The following NRG1 variants were observed in gnomAD, a reference collection of about 807,000 sequenced individuals.
NRG1 encodes pro-neuregulin-1, membrane-bound isoform.
A neutral mutation model predicts 63.8 loss-of-function variants in NRG1; 18 were observed. The ratio of observed to expected loss-of-function variants is 0.28; its 90% CI spans 0.19 to 0.42. The LOEUF is 0.42. Ranked by LOEUF, NRG1 falls within the 10% of genes least tolerant of loss-of-function variation. The pLI is 1.00. For missense variants in NRG1, 762 were observed against 814.7 expected (o/e 0.94, Z 0.79); for synonymous variants, 302 against 301.3 (o/e 1.00, Z -0.02).
intron 1 of NRG1, among the ~76,000 whole-genome samples, chr8:32,486,155 C>T (rs1034553849): frequency 2.6e-5 from 4 of 152,018 alleles, no homozygotes; most frequent in African/African-American, 9.7e-5. Context: ...TGGTCTCAAA[C>T]TCCTGACCTC....
intron 1 of NRG1, among the ~76,000 whole-genome samples, chr8:32,588,798 T>C (rs1842055503): frequency 6.6e-6 from 1 of 152,154 alleles, no homozygotes; most frequent in African/African-American, 2.4e-5. Context: ...CTTGAGAATA[T>C]ATTATAACAA....
At position 31,835,833 on chromosome 8, in the gene NRG1, TCAG is replaced by T. The variant is rs1215966392; in HGVS notation, c.37+196403_37+196405del. 3.3e-5 allele frequency among the ~76,000 whole-genome samples: 5 copies of T among 152,302 alleles called. No individual in the cohort carries two copies. The East Asian group carries it at 9.7e-4, about 29-fold the overall frequency. ...TATAGAGTCTGCTAGACTGTGCTGT[TCAG>T]TAGAACTTTTTGGGATGATGGAAAT... On this transcript the variant is annotated intron_variant, in intron 1 of 10. Coordinates refer to the NRG1 transcript ENST00000519301.
intron 8 of NRG1, 102 bp downstream of exon 8, chr8:32,754,576 T>TAA: frequency 2.7e-5 from 23 of 857,758 alleles, no homozygotes; most frequent in East Asian, 3.3e-5. Flanking sequence ...GTCTTGGGGA[T>TAA]AAAAAAAAAA....
exon 12 of NRG1, chr8:32,764,103 G>T (rs776391266): frequency 2.2e-5 from 35 of 1,614,024 alleles, no homozygotes; most frequent in Non-Finnish European, 2.9e-5. Context: ...TAAGAAACTC[G>T]CCAATAGCCG....
chr8:32,099,782 C>T (rs747503765), intron 1 of NRG1: 14 of 152,154 alleles, frequency 9.2e-5, no homozygotes, highest in Admixed American at 2.6e-4. Flanking sequence ...GGCTATAGAG[C>T]GGGAAGATTG....
chr8:31,898,952 A>C (rs1015484338), intron 1 of NRG1, among the ~76,000 whole-genome samples: 2 of 152,148 alleles, frequency 1.3e-5, no homozygotes, highest in Non-Finnish European at 2.9e-5. Flanking sequence ...AGATCATTGA[A>C]GAGGTAGCTG....
chr8:32,242,434 A>T (rs1848197591), intron 1 of NRG1, among the ~76,000 whole-genome samples: 1 of 152,166 alleles, frequency 6.6e-6, no homozygotes, highest in Admixed American at 6.6e-5. Context: ...AGATCGTGCA[A>T]TTGCACTCCA....
chr8:32,464,625 A>G (rs1181722433), intron 1 of NRG1, among the ~76,000 whole-genome samples: 1 of 152,104 alleles, frequency 6.6e-6, no homozygotes, highest in African/African-American at 2.4e-5. Flanking sequence ...AACAGGTTGC[A>G]TTACTTGTAC....
Position 32,548,713 on chromosome 8 carries a change from C to G in NRG1, c.-14C>G, listed in dbSNP as rs1833449112. 3 of 1,569,538 alleles carry G rather than the reference C, an allele frequency of 1.9e-6. No homozygotes were observed. In the South Asian group the frequency reaches 3.5e-5, roughly 18 times the overall value. Reference sequence around the variant, plus strand: ...CCGAGAGCCGTCCGCGTAGAGCGCTCCGTCTCCGGCGAGATGTCCGAGCGC... The same window carrying G: ...CCGAGAGCCGTCCGCGTAGAGCGCTGCGTCTCCGGCGAGATGTCCGAGCGC... On this transcript the variant is annotated 5_prime_UTR_variant, in exon 1 of 12. Transcript: ENST00000356819.
chr8:32,223,523 G>A (rs1402825139), intron 1 of NRG1, among the ~76,000 whole-genome samples: 2 of 152,116 alleles, frequency 1.3e-5, no homozygotes, highest in Non-Finnish European at 2.9e-5. Flanking sequence ...TGAAAATAGA[G>A]ACAGTAATAC....
intron 1 of NRG1, among the ~76,000 whole-genome samples, chr8:32,138,586 G>T (rs1217624762): frequency 1.3e-5 from 2 of 151,680 alleles, no homozygotes; most frequent in African/African-American, 4.8e-5. Context: ...TTTGAGACAG[G>T]GTCTCACTCT....
chr8:32,347,006 T>C (rs1479953933), intron 1 of NRG1, among the ~76,000 whole-genome samples: 1 of 151,952 alleles, frequency 6.6e-6, no homozygotes, highest in East Asian at 1.9e-4. Flanking sequence ...CTTTTTTATA[T>C]TTTTAGTAGA....
At chr8:32,361,064 G>A (rs1359127115) in intron 1 of NRG1, among the ~76,000 whole-genome samples, 5 of 152,118 alleles carry the variant, frequency 3.3e-5, no homozygotes, top group South Asian at 2.1e-4. Context: ...TTATTCATAC[G>A]ATAGACCTAT....
chr8:32,575,106 C>G (rs905499782), intron 1 of NRG1, among the ~76,000 whole-genome samples: 7 of 152,156 alleles, frequency 4.6e-5, no homozygotes, highest in African/African-American at 1.7e-4. Flanking sequence ...AGGAATACCT[C>G]TTCTTCTAAC....
intron 1 of NRG1, among the ~76,000 whole-genome samples, chr8:32,423,292 G>A (rs1050448082): frequency 6.6e-6 from 1 of 152,194 alleles, no homozygotes; most frequent in Non-Finnish European, 1.5e-5. Flanking sequence ...TTATTACACA[G>A]CCACACACAA....
intron 1 of NRG1, among the ~76,000 whole-genome samples, chr8:32,257,639 A>G (rs183415521): frequency 6.6e-6 from 1 of 152,240 alleles, no homozygotes; most frequent in Non-Finnish European, 1.5e-5. Flanking sequence ...ATCTCATGAA[A>G]TCTGAAAGGC....
At position 32,727,941 on chromosome 8, in the gene NRG1, C is replaced by T. The variant is rs376288366; in HGVS notation, c.503-8C>T. ...CATGTTAACCTTTCTCCTTTCTCTC[C>T]TCTTCAGCTACATCTACATCCACCA... On this transcript the variant is annotated splice_region_variant and splice_polypyrimidine_tract_variant and intron_variant, in intron 5 of 11. Transcript: ENST00000356819. The T allele has an allele frequency of 1.7e-5, 28 of 1,613,362 alleles. No homozygotes were observed. The African/African-American group carries it at 2.7e-4, about 15-fold the overall frequency.
chr8:32,764,220 A>C, exon 12 of NRG1: 1 of 1,614,158 alleles, frequency 6.2e-7, no homozygotes, highest in Admixed American at 1.7e-5. Flanking sequence ...AGAAGATGAA[A>C]GAGTAGGTGA....
chr8:32,415,237 G>A (rs1011512184), intron 1 of NRG1, among the ~76,000 whole-genome samples: 48 of 151,830 alleles, frequency 3.2e-4, no homozygotes, highest in Admixed American at 2.6e-3. Context: ...ATGAAACCCC[G>A]TCTCTATTAA....
Sources: gnomAD v4.1 joint callset for allele counts (sites outside exome capture counted in the v4.1 genomes callset) on GRCh38, gnomAD v4.1.1 for gene constraint, MANE v1.5 for transcripts, NCBI Gene and HGNC (gene_info 2026-07-23, HGNC 2026-07-21) for gene names.